ZFPM2: variants seen among roughly 807,000 people sequenced by gnomAD.
ZFPM2 encodes zinc finger protein ZFPM2.
In ZFPM2, 20 loss-of-function variants were observed where a neutral mutation model predicts 98.6. The observed-to-expected ratio is 0.20, with a 90% CI of 0.14 to 0.29. The LOEUF (loss-of-function observed/expected upper bound fraction) is 0.29. ZFPM2 is among the 10% of genes least tolerant of loss of function. The pLI is 1.00. For missense variants in ZFPM2, 1,310 were observed against 1,388.6 expected, an observed-to-expected ratio of 0.94 and a Z score of 0.90; for synonymous variants, 518 against 502.7, an observed-to-expected ratio of 1.03 and a Z score of -0.41.
rs11993951 is a variant in ZFPM2 at position 105,440,676 on chromosome 8, G to T, written c.200-3604G>T. On this transcript the variant is annotated intron_variant, in intron 2 of 7. Coordinates refer to ENST00000407775, the MANE Select transcript of ZFPM2 (RefSeq NM_012082.4). ...TAGCACTTCTGGTCTCAAAAGACAC[G>T]AGAGAAGATGCAGGAGCAGGAGGGC... 8.9e-4 allele frequency among the ~76,000 whole-genome samples: 135 copies of T among 152,294 alleles called. 1 individual carries two copies. The highest frequency in any genetic ancestry group is 3.0e-3 in the African/African-American group (125 of 41,546).
chr8:105,419,020 G>A, intron 1 of ZFPM2, 124 bp from the exon 2 acceptor site: 2 of 783,752 alleles, frequency 2.6e-6, no homozygotes, highest in South Asian at 1.8e-5. Context: ...GAGTCCCCTT[G>A]GTGGTACTAC....
At chr8:105,404,090 T>G (rs1195933375) in intron 1 of ZFPM2, among the ~76,000 whole-genome samples, 1 of 152,022 alleles carries the variant, frequency 6.6e-6, no homozygotes, top group Non-Finnish European at 1.5e-5. Context: ...CTACAGGTAG[T>G]CAAAACTGAA....
chr8:105,607,908 A>G (rs1164964526), intron 4 of ZFPM2, among the ~76,000 whole-genome samples: 1 of 152,162 alleles, frequency 6.6e-6, no homozygotes, highest in Non-Finnish European at 1.5e-5. Flanking sequence ...TCATTGCAGC[A>G]CTATTCACAA....
intron 1 of ZFPM2, among the ~76,000 whole-genome samples, chr8:105,410,737 CAT>C (rs963907009): frequency 4.6e-5 from 7 of 151,884 alleles, no homozygotes; most frequent in African/African-American, 1.7e-4. Flanking sequence ...TGTGGTATCT[CAT>C]AGAAGTCTAT....
intron 1 of ZFPM2, among the ~76,000 whole-genome samples, chr8:105,363,983 T>C (rs920019657): frequency 2.0e-5 from 3 of 152,262 alleles, no homozygotes; most frequent in African/African-American, 7.2e-5. Context: ...TATAGGTTTT[T>C]TTTCTAGAAA....
At chr8:105,666,404 G>A (rs10094769) in intron 5 of ZFPM2, among the ~76,000 whole-genome samples, 12,675 of 152,174 alleles carry the variant, frequency 0.083, 1,704 homozygotes, top group African/African-American at 0.28. Flanking sequence ...GATTTTGTGT[G>A]AATGCTCCCC....
At chr8:105,580,825 C>CTA (rs774123584) in intron 4 of ZFPM2, among the ~76,000 whole-genome samples, 12,853 of 134,520 alleles carry the variant, frequency 0.096, 665 homozygotes, top group African/African-American at 0.16. Context: ...CTCTCTCTCT[C>CTA]TCTATATATA....
intron 5 of ZFPM2, among the ~76,000 whole-genome samples, chr8:105,692,653 G>C (rs964896938): frequency 2.6e-5 from 4 of 152,210 alleles, no homozygotes; most frequent in Non-Finnish European, 5.9e-5. Context: ...ATTTGCCTTA[G>C]AAATATGGAT....
At chr8:105,586,007 G>GTA (rs1426643652) in intron 4 of ZFPM2, among the ~76,000 whole-genome samples, 3 of 83,644 alleles carry the variant, frequency 3.6e-5, no homozygotes, top group African/African-American at 1.1e-4. Flanking sequence ...GAAGGGGTGT[G>GTA]TGTGTGTGTG....
intron 3 of ZFPM2, among the ~76,000 whole-genome samples, chr8:105,516,585 T>C (rs908967578): frequency 1.3e-5 from 2 of 152,172 alleles, no homozygotes; most frequent in African/African-American, 2.4e-5. Flanking sequence ...GAAAAACACA[T>C]TTCTGATGTC....
intron 5 of ZFPM2, among the ~76,000 whole-genome samples, chr8:105,721,985 A>C (rs1422987400): frequency 6.6e-6 from 1 of 151,924 alleles, no homozygotes; most frequent in Non-Finnish European, 1.5e-5. Flanking sequence ...ATATAGGTAT[A>C]ATTAAAATTT....
At chr8:105,417,126 G>A (rs1276929443) in intron 1 of ZFPM2, among the ~76,000 whole-genome samples, 3 of 152,094 alleles carry the variant, frequency 2.0e-5, no homozygotes, top group Non-Finnish European at 2.9e-5. Context: ...GCCAGTGTGG[G>A]TAGCTGAGCC....
intron 5 of ZFPM2, among the ~76,000 whole-genome samples, chr8:105,757,619 A>AT (rs916534840): frequency 2.0e-5 from 3 of 152,096 alleles, no homozygotes; most frequent in African/African-American, 4.8e-5. Flanking sequence ...GAATCTATTG[A>AT]TTTTTTTAAA....
intron 5 of ZFPM2, chr8:105,784,714 GA>G (rs1586262907): frequency 1.4e-5 from 2 of 145,096 alleles, no homozygotes; most frequent in East Asian, 3.9e-4. Context: ...CTGATAGGTA[GA>G]ATGCTTAGGT....
At chr8:105,486,194 G>A (rs302957) in intron 3 of ZFPM2, among the ~76,000 whole-genome samples, 97,115 of 151,830 alleles carry the variant, frequency 0.64, 31,106 homozygotes, top group East Asian at 0.78. Context: ...AATGGGGTCT[G>A]TTACTCAGTA....
At chr8:105,667,942 T>G (rs1817520388) in intron 5 of ZFPM2, among the ~76,000 whole-genome samples, 1 of 152,184 alleles carries the variant, frequency 6.6e-6, no homozygotes, top group African/African-American at 2.4e-5. Flanking sequence ...AACCAAAGCT[T>G]AAACCAAAGC....
chr8:105,414,345 G>C (rs1272340067), intron 1 of ZFPM2, among the ~76,000 whole-genome samples: 1 of 151,860 alleles, frequency 6.6e-6, no homozygotes. Flanking sequence ...TTTCATCTTA[G>C]ATGCTTCTTA....
intron 5 of ZFPM2, among the ~76,000 whole-genome samples, chr8:105,636,988 G>T (rs1480472437): frequency 1.3e-5 from 2 of 152,106 alleles, no homozygotes; most frequent in East Asian, 3.9e-4. Flanking sequence ...ATTTGCCATG[G>T]TCACATGGCT....
chr8:105,473,734 G>C (rs146381676), intron 3 of ZFPM2, among the ~76,000 whole-genome samples: 1 of 152,186 alleles, frequency 6.6e-6, no homozygotes, highest in African/African-American at 2.4e-5. Flanking sequence ...AGAAATATAG[G>C]CACTTAGACT....
Sources: gnomAD v4.1 joint callset for allele counts (sites outside exome capture counted in the v4.1 genomes callset) on GRCh38, gnomAD v4.1.1 for gene constraint, MANE v1.5 for transcripts, NCBI Gene and HGNC (gene_info 2026-07-23, HGNC 2026-07-21) for gene names.